NELL2: variants seen among roughly 807,000 people sequenced by gnomAD.
The protein encoded by NELL2 is neural EGFL like 2, also known as protein kinase C-binding protein NELL2.
NELL2 carries 41 observed loss-of-function variants against 109.6 expected under a neutral mutation model. The observed-to-expected ratio is 0.37, with a 90% CI of 0.29 to 0.49. The LOEUF is 0.49. NELL2 is among the 20% of genes least tolerant of loss of function. The pLI, the probability that NELL2 is intolerant of heterozygous loss-of-function variation, is 0.98. For synonymous variants in NELL2, 355 were observed against 344.7 expected (o/e 1.03, Z -0.33); for missense variants, 900 against 1,008.3 (o/e 0.89, Z 1.45).
chr12:44,722,180 A>C (rs1325116160), intron 9 of NELL2, among the ~76,000 whole-genome samples: 2 of 150,408 alleles, frequency 1.3e-5, no homozygotes, highest in Admixed American at 6.6e-5. Context: ...AAAATAAGAA[A>C]CTTTTTTTTT....
At chr12:44,641,782 T>C (rs1169479670) in intron 13 of NELL2, among the ~76,000 whole-genome samples, 1 of 142,328 alleles carries the variant, frequency 7.0e-6, no homozygotes, top group Non-Finnish European at 1.5e-5. Flanking sequence ...CTGCAACCTC[T>C]GCCTCTCGGG....
intron 13 of NELL2, among the ~76,000 whole-genome samples, chr12:44,635,466 T>C (rs1270049180): frequency 7.2e-5 from 11 of 152,200 alleles, no homozygotes; most frequent in Non-Finnish European, 1.6e-4. Context: ...TTTTATAAGC[T>C]GTAAGGAAGG....
At chr12:44,820,782 T>C (rs374034909) in intron 2 of NELL2, among the ~76,000 whole-genome samples, 44 of 152,118 alleles carry the variant, frequency 2.9e-4, no homozygotes, top group Non-Finnish European at 5.9e-4. Context: ...CAAATGGGAT[T>C]TCAGTTTTAG....
intron 2 of NELL2, among the ~76,000 whole-genome samples, chr12:44,840,738 CA>C (rs1592635940): frequency 6.6e-6 from 1 of 152,050 alleles, no homozygotes. Flanking sequence ...AAATTTCAAC[CA>C]TTTTTGGCTA....
At chr12:44,591,339 A>G (rs538475453) in intron 15 of NELL2, among the ~76,000 whole-genome samples, 1 of 152,336 alleles carries the variant, frequency 6.6e-6, no homozygotes. Flanking sequence ...TGTTTACTGC[A>G]GCACTATTCA....
At chr12:44,534,479 C>A (rs577070144) in intron 15 of NELL2, among the ~76,000 whole-genome samples, 1 of 152,206 alleles carries the variant, frequency 6.6e-6, no homozygotes, top group East Asian at 1.9e-4. Context: ...TGACTTCTGA[C>A]ACATAACTGA....
At chr12:44,791,759 A>G (rs7964017) in intron 3 of NELL2, among the ~76,000 whole-genome samples, 110,505 of 151,890 alleles carry the variant, frequency 0.73, 40,374 homozygotes, top group Non-Finnish European at 0.75. Flanking sequence ...TAGATAAGGT[A>G]AATCAAGTAT....
In NELL2 at chr12:44,876,209, C is replaced by G. The variant is rs901710260; in HGVS notation, c.-340G>C. 4 of 1,197,216 alleles carry G rather than the reference C, an allele frequency of 3.3e-6. No homozygotes were observed. In the Admixed American group the frequency reaches 1.6e-4, roughly 47 times the overall value. The allele number at this position is 1,197,216 out of a possible 1,614,324, so 74.2% of individuals were successfully genotyped here. A position where few individuals can be genotyped will look rare whatever the true frequency, so the allele number is the denominator to read the frequency against. ...AGCCGAATAAAAGCAGCCAAAGACT[C>G]GCACACCCGGTAGAAGGGGGGCGGC... On this transcript the variant is annotated 5_prime_UTR_variant, in exon 1 of 20. Transcript: ENST00000429094.
intron 1 of NELL2, among the ~76,000 whole-genome samples, chr12:44,893,913 A>C (rs1418554883): frequency 1.3e-5 from 2 of 152,232 alleles, no homozygotes; most frequent in Admixed American, 1.3e-4. Context: ...CAACAGATTA[A>C]AGATTTTTAA....
intron 13 of NELL2, among the ~76,000 whole-genome samples, chr12:44,632,975 T>C (rs539174791): frequency 4.0e-5 from 6 of 151,444 alleles, no homozygotes; most frequent in African/African-American, 1.5e-4. Flanking sequence ...AAATCATGTA[T>C]GGAAAAAAAA....
At chr12:44,824,493 T>A (rs1943642590) in intron 2 of NELL2, among the ~76,000 whole-genome samples, 1 of 152,076 alleles carries the variant, frequency 6.6e-6, no homozygotes, top group Non-Finnish European at 1.5e-5. Context: ...CAACACTATT[T>A]ATTGAAGAGA....
rs556306155 is a variant in NELL2 at position 44,736,200 on chromosome 12, G to A, written c.995-21459C>T. Among the ~76,000 whole-genome samples the A allele has an allele frequency of 5.8e-3, 881 of 151,602 alleles. 6 individuals are homozygous for A. Among genetic ancestry groups the A allele is most frequent in the Non-Finnish European group, 9.2e-3 (625 of 67,856 alleles). On this transcript the variant is annotated intron_variant, in intron 9 of 19. Coordinates refer to ENST00000429094, the MANE Select transcript of NELL2 (RefSeq NM_001145108.2). ...TAATTTTTGTATTTTTAGTAGAGAC[G>A]GGGTTTCACCGTGTCAGCCAGGATG...
In NELL2 at chr12:44,584,952, A is replaced by C. The variant is rs546760953; in HGVS notation, c.1663+22217T>G. 3.9e-5 allele frequency among the ~76,000 whole-genome samples: 6 copies of C among 152,344 alleles called. No homozygotes were observed. In the South Asian group the frequency reaches 1.2e-3, roughly 32 times the overall value. Reference sequence around the variant, plus strand: ...GATCATCACATTGTACTTTCTAATGACCATTATTATGTCCTCTGATCCAGC... The same window carrying C: ...GATCATCACATTGTACTTTCTAATGCCCATTATTATGTCCTCTGATCCAGC... On this transcript the variant is annotated intron_variant, in intron 15 of 19. Transcript: ENST00000429094.
chr12:44,551,067 C>T (rs1452885), intron 15 of NELL2, among the ~76,000 whole-genome samples: 15,493 of 152,012 alleles, frequency 0.1, 929 homozygotes, highest in Middle Eastern at 0.15. Flanking sequence ...CAAAAGAAAA[C>T]GTTGGGAGGT....
chr12:44,639,899 C>T (rs553850906), intron 13 of NELL2, among the ~76,000 whole-genome samples: 4 of 152,230 alleles, frequency 2.6e-5, no homozygotes, highest in South Asian at 2.1e-4. Flanking sequence ...TCTTCATTCT[C>T]ATCCCATGCC....
chr12:44,593,863 C>T (rs534811196), intron 15 of NELL2, among the ~76,000 whole-genome samples: 39 of 152,222 alleles, frequency 2.6e-4, no homozygotes, highest in Admixed American at 2.4e-3. Context: ...GGCTCAATAG[C>T]AAAGTCTTGG....
rs558894968 is a variant in NELL2, at chr12:44,632,866, T to C, written c.1445-21896A>G. The stretch of plus-strand genomic sequence containing the variant: ...AATTATAATTCAATTATCTCTATCA[T>C]TTTTTTTCTGTTTGTTTTCCCAAAG... On this transcript the variant is annotated intron_variant, in intron 13 of 19. Transcript: ENST00000429094. 1.8e-3 allele frequency among the ~76,000 whole-genome samples: 277 copies of C among 152,040 alleles called. 2 individuals are homozygous for C. Among genetic ancestry groups the C allele is most frequent in the African/African-American group, 5.7e-3 (236 of 41,502 alleles).
intron 3 of NELL2, among the ~76,000 whole-genome samples, chr12:44,783,154 C>T (rs1218950145): frequency 6.6e-6 from 1 of 151,166 alleles, no homozygotes; most frequent in Non-Finnish European, 1.5e-5. Context: ...AAGAGGAAGG[C>T]TCAGGGAAAT....
chr12:44,673,880 T>C (rs1256715642), intron 12 of NELL2, among the ~76,000 whole-genome samples: 2 of 152,162 alleles, frequency 1.3e-5, no homozygotes, highest in Non-Finnish European at 2.9e-5. Context: ...TTCTTCCTAG[T>C]TGCCTTCTAA....
Sources: allele counts gnomAD v4.1 joint callset (sites outside exome capture counted in the v4.1 genomes callset), GRCh38; gene constraint gnomAD v4.1.1; transcripts MANE v1.5; gene names NCBI Gene and HGNC (gene_info 2026-07-23, HGNC 2026-07-21).